PTPDC1: variants seen among roughly 807,000 people sequenced by gnomAD.
PTPDC1 encodes the protein protein tyrosine phosphatase domain-containing protein 1.
In PTPDC1, 53 loss-of-function variants were observed where a neutral mutation model predicts 75.3. The ratio of observed to expected loss-of-function variants is 0.70; its 90% CI spans 0.56 to 0.88. The LOEUF (loss-of-function observed/expected upper bound fraction) is 0.88, where lower values mean the gene tolerates loss of function less well. Ranked by LOEUF, PTPDC1 falls within the 40% of genes least tolerant of loss-of-function variation. The pLI is 0.00. For missense variants in PTPDC1, 925 were observed against 998.6 expected (o/e 0.93, Z 0.99); for synonymous variants, 349 against 366.2 (o/e 0.95, Z 0.54).
intron 1 of PTPDC1, among the ~76,000 whole-genome samples, chr9:94,034,204 A>T (rs1814408792): frequency 6.6e-6 from 1 of 152,164 alleles, no homozygotes; most frequent in Non-Finnish European, 1.5e-5. Flanking sequence ...CTTAAGTCTT[A>T]ATTAAGGTTT....
In PTPDC1 at chr9:94,108,703, C is replaced by A. The variant is rs1380961974; in HGVS notation, c.*759C>A. On this transcript the variant is annotated 3_prime_UTR_variant, in exon 9 of 9. Transcript: ENST00000620992. The stretch of plus-strand genomic sequence containing the variant: ...AACACACCAAGCCTTATTCCCACTC[C>A]CTTGGGTTGCTGCTGAGCCAAATAG... 2 of 152,208 alleles carry A rather than the reference C, an allele frequency of 1.3e-5. No homozygotes were observed. The highest frequency in any genetic ancestry group is 2.9e-5 in the Non-Finnish European group (2 of 68,052). 9.4% of individuals were successfully genotyped at this position (152,208 alleles called of 1,614,324 possible). A position where few individuals can be genotyped will look rare whatever the true frequency, so the allele number is the denominator to read the frequency against.
chr9:94,063,245 A>G (rs1826198327), intron 1 of PTPDC1, among the ~76,000 whole-genome samples: 1 of 152,236 alleles, frequency 6.6e-6, no homozygotes, highest in Admixed American at 6.5e-5. Flanking sequence ...CCAAAATTCC[A>G]TGATTCTAAT....
rs200873026 is a variant in PTPDC1 at position 94,036,023 on chromosome 9, G to GTTTTTTTTT, written c.-7+4899_-7+4907dup. Among the ~76,000 whole-genome samples, 318 of 85,284 alleles carry GTTTTTTTTT rather than the reference G, an allele frequency of 3.7e-3. 9 individuals are homozygous for GTTTTTTTTT. Among genetic ancestry groups the GTTTTTTTTT allele is most frequent in the African/African-American group, 6.0e-3 (115 of 19,196 alleles). 55.9% of individuals were successfully genotyped at this position (85,284 alleles called of 152,430 possible). On this transcript the variant is annotated intron_variant, in intron 1 of 9. Coordinates refer to the PTPDC1 transcript ENST00000375360. ...TTGCCCATTTTTAATCGGATTATTT[G>GTTTTTTTTT]TTTTTTTTTTTGTTTTTTTTTTGCT...
At chr9:94,039,340 T>C (rs1193063833) in intron 1 of PTPDC1, among the ~76,000 whole-genome samples, 3 of 152,266 alleles carry the variant, frequency 2.0e-5, no homozygotes, top group East Asian at 1.9e-4. Context: ...AATAAATATA[T>C]ACTAGATATT....
At chr9:94,098,825 C>T (rs1463309159) in intron 6 of PTPDC1, among the ~76,000 whole-genome samples, 6 of 152,206 alleles carry the variant, frequency 3.9e-5, no homozygotes, top group Admixed American at 3.9e-4. Context: ...TTGACCCACA[C>T]AAGGCATTGA....
chr9:94,061,105 A>G (rs1042815485), intron 1 of PTPDC1, among the ~76,000 whole-genome samples: 4 of 152,234 alleles, frequency 2.6e-5, no homozygotes, highest in African/African-American at 9.6e-5. Context: ...CAATGGGGAT[A>G]TAGGCATGGG....
At chr9:94,053,133 A>AT (rs1825833389) in intron 1 of PTPDC1, among the ~76,000 whole-genome samples, 1 of 152,106 alleles carries the variant, frequency 6.6e-6, no homozygotes, top group South Asian at 2.1e-4. Context: ...CCAATCTGTG[A>AT]TTAGTCTCCT....
At chr9:94,081,888 TG>T (rs1176068624), upstream of PTPDC1, among the ~76,000 whole-genome samples, 1 of 152,254 alleles carries the variant, frequency 6.6e-6, no homozygotes, top group Admixed American at 6.5e-5. Context: ...TTCGGATATT[TG>T]AAAATCTTTC....
chr9:94,104,310 C>T lies in PTPDC1; in HGVS notation c.2235C>T (p.Cys745=), dbSNP rs1587915158. The change falls in exon 8 of 9, where the codon TGC becomes TGT. Residue 745 remains cysteine, a synonymous_variant. Transcript: ENST00000620992. ...QHQTILCVLH[C]IVNLQTIPVD... ...AGACTATTCTCTGCGTGTTGCACTGCATAGTGAACCTGCAGACAATTCCCG... is the reference window on the plus strand; with the variant it reads ...AGACTATTCTCTGCGTGTTGCACTGTATAGTGAACCTGCAGACAATTCCCG... The T allele has an allele frequency of 6.2e-7, 1 of 1,613,824 alleles. No individual in the cohort carries two copies. The highest frequency in any genetic ancestry group is 8.5e-7 in the Non-Finnish European group (1 of 1,179,754).
At chr9:94,095,250 T>G in intron 4 of PTPDC1, 67 bp from the exon 5 acceptor site, 2 of 1,161,518 alleles carry the variant, frequency 1.7e-6, no homozygotes, top group Non-Finnish European at 1.2e-6. Context: ...TGTGTACTTT[T>G]CATTAGTGTT....
At chr9:94,033,560 A>AT (rs1472682335) in intron 1 of PTPDC1, among the ~76,000 whole-genome samples, 2 of 152,138 alleles carry the variant, frequency 1.3e-5, no homozygotes, top group African/African-American at 4.8e-5. Flanking sequence ...TTCCTCTCTG[A>AT]TTCTCACTTT....
chr9:94,044,417 A>G (rs1825523598), intron 1 of PTPDC1, among the ~76,000 whole-genome samples: 1 of 152,192 alleles, frequency 6.6e-6, no homozygotes, highest in Admixed American at 6.6e-5. Context: ...CCAGGTATTA[A>G]GCCCAGCATT....
intron 1 of PTPDC1, among the ~76,000 whole-genome samples, chr9:94,053,507 A>G (rs1360914288): frequency 1.3e-5 from 2 of 152,210 alleles, no homozygotes; most frequent in Admixed American, 1.3e-4. Context: ...AGAAAATACT[A>G]CAGTGGTATT....
chr9:94,088,294 T>G (rs370113421), intron 4 of PTPDC1, 31 bp downstream of exon 4: 1 of 1,607,724 alleles, frequency 6.2e-7, no homozygotes, highest in Non-Finnish European at 8.5e-7. Flanking sequence ...TCTCATGAAT[T>G]ATCAAGGGCA....
At chr9:94,074,276 G>A (rs1206158896) in intron 2 of PTPDC1, among the ~76,000 whole-genome samples, 4 of 152,094 alleles carry the variant, frequency 2.6e-5, no homozygotes, top group African/African-American at 9.7e-5. Context: ...TCGAAACACT[G>A]CCTCAGTCCA....
chr9:94,105,493 C>A (rs1241912903), intron 8 of PTPDC1, among the ~76,000 whole-genome samples: 2 of 151,950 alleles, frequency 1.3e-5, no homozygotes, highest in East Asian at 1.9e-4. Context: ...CATGGTGAAA[C>A]CCCATCTCTA....
chr9:94,078,270 A>AGAT (rs1826761568), intron 2 of PTPDC1, among the ~76,000 whole-genome samples: 1 of 152,202 alleles, frequency 6.6e-6, no homozygotes, highest in Non-Finnish European at 1.5e-5. Context: ...TTTGACAGAA[A>AGAT]TCTTGCTGCA....
intron 8 of PTPDC1, among the ~76,000 whole-genome samples, chr9:94,105,165 C>G (rs940671448): frequency 1.3e-5 from 2 of 152,200 alleles, no homozygotes; most frequent in Non-Finnish European, 2.9e-5. Context: ...CCCCTCCACT[C>G]TTTCCGGAGT....
At chr9:94,055,762 A>G (rs1825913397) in intron 1 of PTPDC1, among the ~76,000 whole-genome samples, 1 of 152,196 alleles carries the variant, frequency 6.6e-6, no homozygotes, top group African/African-American at 2.4e-5. Flanking sequence ...AAAAAAACAA[A>G]AAATCAGTGG....
Sources: gnomAD v4.1 joint callset for allele counts (sites outside exome capture counted in the v4.1 genomes callset) on GRCh38, gnomAD v4.1.1 for gene constraint, MANE v1.5 for transcripts, NCBI Gene and HGNC (gene_info 2026-07-23, HGNC 2026-07-21) for gene names.